Variants in GALNT13 observed in about 807,000 individuals in gnomAD.
GALNT13 encodes polypeptide N-acetylgalactosaminyltransferase 13, also known as UDP-GalNAc:polypeptide N-acetylgalactosaminyltransferase 13.
GALNT13 carries 28 observed loss-of-function variants against 64.2 expected under a neutral mutation model. The observed-to-expected ratio is 0.44, with a 90% CI of 0.32 to 0.60. The LOEUF is 0.60. Among genes scored for constraint, GALNT13 ranks in the 20% least tolerant of loss-of-function variants. The probability of loss-of-function intolerance (pLI) is 0.05; values close to 1 mark genes in which losing one functional copy is unlikely to be tolerated. For synonymous variants in GALNT13, 214 were observed against 224.6 expected, an observed-to-expected ratio of 0.95 and a Z score of 0.42; for missense variants, 577 against 669.8, an observed-to-expected ratio of 0.86 and a Z score of 1.53.
chr2:153,227,260 A>T, the GALNT13 span, among the ~76,000 whole-genome samples: 1 of 152,242 alleles, frequency 6.6e-6, no homozygotes, highest in Non-Finnish European at 1.5e-5. Context: ...AGTATTCTCT[A>T]GGACCTCCAG....
intron 9 of GALNT13, among the ~76,000 whole-genome samples, chr2:154,394,593 T>C (rs1698970145): frequency 6.6e-6 from 1 of 152,232 alleles, no homozygotes; most frequent in South Asian, 2.1e-4. Flanking sequence ...GAGGAAAATG[T>C]ATTCAATTAT....
At chr2:154,010,609 AT>A (rs1358923938) in intron 3 of GALNT13, among the ~76,000 whole-genome samples, 1 of 152,082 alleles carries the variant, frequency 6.6e-6, no homozygotes, top group Non-Finnish European at 1.5e-5. Context: ...CTTGGAATGA[AT>A]TAGGTTAGAA....
the GALNT13 span, among the ~76,000 whole-genome samples, chr2:153,294,482 A>G: frequency 3.3e-5 from 5 of 152,140 alleles, no homozygotes; most frequent in African/African-American, 9.7e-5. Flanking sequence ...ACTTATTTTT[A>G]TATTTAAAAT....
the GALNT13 span, among the ~76,000 whole-genome samples, chr2:153,605,358 AG>A: frequency 6.6e-6 from 1 of 152,066 alleles, no homozygotes; most frequent in Non-Finnish European, 1.5e-5. Context: ...CAGTTATCCA[AG>A]ACCATCATAC....
At chr2:153,216,405 C>G in the GALNT13 span, among the ~76,000 whole-genome samples, 1 of 152,060 alleles carries the variant, frequency 6.6e-6, no homozygotes, top group Admixed American at 6.5e-5. Context: ...AGTGGCTATA[C>G]TATTTTATAT....
chr2:153,335,508 C>T, the GALNT13 span, among the ~76,000 whole-genome samples: 1 of 152,332 alleles, frequency 6.6e-6, no homozygotes. Flanking sequence ...AGCAAAGAGA[C>T]TGGCGGCATT....
chr2:153,590,399 A>T, the GALNT13 span, among the ~76,000 whole-genome samples: 2 of 152,156 alleles, frequency 1.3e-5, no homozygotes, highest in Non-Finnish European at 2.9e-5. Flanking sequence ...AAATTCTACC[A>T]AATATACAAA....
At chr2:153,825,735 C>G in the GALNT13 span, among the ~76,000 whole-genome samples, 1 of 151,250 alleles carries the variant, frequency 6.6e-6, no homozygotes, top group African/African-American at 2.4e-5. Context: ...CAGCGAATAC[C>G]CTTTGCAGGA....
At chr2:154,269,325 A>G (rs1691195145) in intron 8 of GALNT13, among the ~76,000 whole-genome samples, 1 of 152,062 alleles carries the variant, frequency 6.6e-6, no homozygotes, top group Non-Finnish European at 1.5e-5. Context: ...CATTTTAGAC[A>G]AAAATCCAGC....
the GALNT13 span, among the ~76,000 whole-genome samples, chr2:153,846,005 G>T: frequency 6.6e-6 from 1 of 152,162 alleles, no homozygotes; most frequent in Non-Finnish European, 1.5e-5. Context: ...TGTAACAAAA[G>T]TAAAGGCAAA....
the GALNT13 span, among the ~76,000 whole-genome samples, chr2:153,567,146 A>G: frequency 6.6e-6 from 1 of 152,344 alleles, no homozygotes; most frequent in African/African-American, 2.4e-5. Flanking sequence ...CAAGGATGGG[A>G]AATTCCAGGC....
the GALNT13 span, among the ~76,000 whole-genome samples, chr2:153,851,030 C>A: frequency 6.6e-6 from 1 of 151,862 alleles, no homozygotes; most frequent in African/African-American, 2.4e-5. Context: ...AAAGATTGAC[C>A]AAATTTGATG....
chr2:153,881,997 A>G (rs73005956), intron 1 of GALNT13, among the ~76,000 whole-genome samples: 11,973 of 152,170 alleles, frequency 0.079, 804 homozygotes, highest in African/African-American at 0.17. Flanking sequence ...TTTTTAAAGT[A>G]TAGCTTCTTC....
At chr2:153,953,536 T>G (rs1692351214) in intron 3 of GALNT13, among the ~76,000 whole-genome samples, 1 of 152,184 alleles carries the variant, frequency 6.6e-6, no homozygotes, top group African/African-American at 2.4e-5. Context: ...TTGGTTATTA[T>G]AGTGTAAGTT....
At chr2:154,070,577 A>G (rs931469686) in intron 3 of GALNT13, among the ~76,000 whole-genome samples, 3 of 152,158 alleles carry the variant, frequency 2.0e-5, no homozygotes, top group Admixed American at 1.3e-4. Flanking sequence ...ATGATCTACT[A>G]TCTTCTCCTC....
At chr2:153,635,752 A>G in the GALNT13 span, among the ~76,000 whole-genome samples, 2 of 152,094 alleles carry the variant, frequency 1.3e-5, no homozygotes, top group African/African-American at 2.4e-5. Context: ...ATATTCAAAT[A>G]TTGCATATCT....
the GALNT13 span, among the ~76,000 whole-genome samples, chr2:153,728,742 T>C: frequency 6.6e-6 from 1 of 151,726 alleles, no homozygotes; most frequent in Non-Finnish European, 1.5e-5. Flanking sequence ...AGATCACTAG[T>C]CAGACTAATA....
chr2:153,291,074 C>G, the GALNT13 span, among the ~76,000 whole-genome samples: 3 of 152,046 alleles, frequency 2.0e-5, no homozygotes, highest in Non-Finnish European at 4.4e-5. Context: ...AAAAAATAAA[C>G]AAAGTTGATC....
In GALNT13 at chr2:154,303,596, C is replaced by T. The variant is rs370874689; in HGVS notation, c.1156+2007C>T. 2.4e-4 allele frequency among the ~76,000 whole-genome samples: 36 copies of T among 152,094 alleles called. No individual in the cohort carries two copies. The South Asian group carries it at 6.9e-3, about 29-fold the overall frequency. ...AAAACCTTACTGAGGACTCCTGTAC[C>T]CTCACTGCCTAAGTAATTTCATCTT... On this transcript the variant is annotated intron_variant, in intron 9 of 12. Transcript: ENST00000392825.
Sources: gnomAD v4.1 joint callset for allele counts (sites outside exome capture counted in the v4.1 genomes callset) on GRCh38, gnomAD v4.1.1 for gene constraint, MANE v1.5 for transcripts, NCBI Gene and HGNC (gene_info 2026-07-23, HGNC 2026-07-21) for gene names.